The following ADK variants were observed in gnomAD, a reference collection of about 807,000 sequenced individuals.
ADK encodes the protein N6,N6-dimethyladenosine kinase.
A neutral mutation model predicts 44.7 loss-of-function variants in ADK; 24 were observed. That is an observed-to-expected ratio of 0.54 (90% CI 0.39 to 0.76). The LOEUF is 0.76. ADK is among the 30% of genes least tolerant of loss of function. ADK has a pLI of 0.00. For synonymous variants in ADK, 128 were observed against 142.6 expected (o/e 0.90, Z 0.73); for missense variants, 321 against 425.1 (o/e 0.76, Z 2.15).
At chr10:74,515,276 G>A (rs985265047) in intron 6 of ADK, among the ~76,000 whole-genome samples, 8 of 152,120 alleles carry the variant, frequency 5.3e-5, no homozygotes, top group Admixed American at 4.6e-4. Flanking sequence ...CAGTGGCATG[G>A]GCTGAGAGAG....
intron 6 of ADK, among the ~76,000 whole-genome samples, chr10:74,496,610 G>A (rs1052903404): frequency 2.6e-5 from 4 of 152,126 alleles, no homozygotes; most frequent in East Asian, 1.9e-4. Context: ...GAGAATGGAC[G>A]AATACAGCCA....
At chr10:74,400,061 C>A (rs1172976515) in intron 6 of ADK, among the ~76,000 whole-genome samples, 1 of 151,976 alleles carries the variant, frequency 6.6e-6, no homozygotes, top group Non-Finnish European at 1.5e-5. Context: ...TGTATCTAGC[C>A]ATATTTGGGT....
Position 74,230,572 on chromosome 10 carries a change from G to A in ADK, c.194+5981G>A, listed in dbSNP as rs948547770. Among the ~76,000 whole-genome samples the A allele has an allele frequency of 4.0e-5, 6 of 151,538 alleles. No individual in the cohort carries two copies. In the East Asian group the frequency reaches 5.8e-4, roughly 15 times the overall value. On this transcript the variant is annotated intron_variant, in intron 3 of 10. Transcript: ENST00000539909. ...CTACAGTCTTGTTTTTAGAGATGAG[G>A]TCTCCTTATGTTGCTCAGGTTGGTC...
chr10:74,688,509 T>C (rs965990014), intron 10 of ADK, among the ~76,000 whole-genome samples: 5 of 152,162 alleles, frequency 3.3e-5, no homozygotes, highest in African/African-American at 1.2e-4. Context: ...AAAGACCATT[T>C]AGTCGGTATT....
chr10:74,625,900 A>T (rs1853181509), intron 9 of ADK, among the ~76,000 whole-genome samples: 2 of 152,126 alleles, frequency 1.3e-5, no homozygotes, highest in Admixed American at 1.3e-4. Flanking sequence ...GCATTTTTTT[A>T]TTCAAAGAAA....
At chr10:74,185,070 A>C (rs11000909) in intron 1 of ADK, among the ~76,000 whole-genome samples, 1 of 152,166 alleles carries the variant, frequency 6.6e-6, no homozygotes, top group Non-Finnish European at 1.5e-5. Context: ...TACCTATCCT[A>C]CATGGGTGTT....
intron 1 of ADK, 104 bp downstream of exon 1, chr10:74,151,447 A>G (rs1404705240): frequency 4.7e-6 from 6 of 1,278,456 alleles, no homozygotes; most frequent in Non-Finnish European, 6.6e-6. Context: ...TCTCACTGCC[A>G]GCTTGGGGCC....
chr10:74,376,426 A>G (rs1205034560), intron 4 of ADK, among the ~76,000 whole-genome samples: 1 of 152,096 alleles, frequency 6.6e-6, no homozygotes, highest in Non-Finnish European at 1.5e-5. Flanking sequence ...ACACAGAGAA[A>G]GAATAGTAGG....
intron 3 of ADK, among the ~76,000 whole-genome samples, chr10:74,281,445 C>T (rs979650067): frequency 1.3e-5 from 2 of 152,170 alleles, no homozygotes; most frequent in African/African-American, 4.8e-5. Context: ...TCTTATGATC[C>T]TAGACATTAA....
intron 2 of ADK, among the ~76,000 whole-genome samples, chr10:74,201,692 CTATCTATCTATCT>C (rs1564589470): frequency 6.6e-5 from 8 of 120,612 alleles, no homozygotes; most frequent in African/African-American, 2.5e-4. Flanking sequence ...ATCTATCTAT[CTATCTATCTATCT>C]ATCTATCTAT....
intron 9 of ADK, among the ~76,000 whole-genome samples, chr10:74,615,105 G>T (rs926881851): frequency 1.3e-5 from 2 of 151,986 alleles, no homozygotes; most frequent in African/African-American, 4.8e-5. Flanking sequence ...TTACTTATTT[G>T]TTTTATCCTA....
At chr10:74,523,529 G>A (rs141016717) in intron 6 of ADK, among the ~76,000 whole-genome samples, 16 of 150,004 alleles carry the variant, frequency 1.1e-4, no homozygotes, top group Admixed American at 7.3e-4. Context: ...TTCCTTCGTC[G>A]TCTTTTGTTC....
At chr10:74,665,775 G>GAC (rs1388809445) in intron 9 of ADK, among the ~76,000 whole-genome samples, 1 of 146,220 alleles carries the variant, frequency 6.8e-6, no homozygotes, top group African/African-American at 2.6e-5. Flanking sequence ...GAGAGAGAGA[G>GAC]AGAGAGACAG....
intron 9 of ADK, among the ~76,000 whole-genome samples, chr10:74,666,849 T>C (rs1854974432): frequency 6.6e-6 from 1 of 150,470 alleles, no homozygotes; most frequent in African/African-American, 2.4e-5. Flanking sequence ...TTTTTTTTTT[T>C]TGAGACTGAG....
intron 9 of ADK, among the ~76,000 whole-genome samples, chr10:74,625,221 T>C (rs1338665189): frequency 6.6e-6 from 1 of 152,192 alleles, no homozygotes; most frequent in Non-Finnish European, 1.5e-5. Context: ...GGGAAAGCTT[T>C]TCAAAGCAAG....
intron 10 of ADK, among the ~76,000 whole-genome samples, chr10:74,693,372 C>T (rs1856060120): frequency 6.6e-6 from 1 of 152,098 alleles, no homozygotes. Context: ...TTCTTCGATC[C>T]ATCTTATTCT....
intron 7 of ADK, among the ~76,000 whole-genome samples, chr10:74,587,521 C>T (rs575806821): frequency 6.6e-6 from 1 of 152,268 alleles, no homozygotes; most frequent in South Asian, 2.1e-4. Flanking sequence ...ACCATAGGTG[C>T]ATACATGTAT....
At chr10:74,495,760 A>G (rs1351441963) in intron 6 of ADK, among the ~76,000 whole-genome samples, 1 of 152,140 alleles carries the variant, frequency 6.6e-6, no homozygotes, top group Non-Finnish European at 1.5e-5. Flanking sequence ...GACACTTGTC[A>G]GGCTATATGA....
At chr10:74,259,428 T>C (rs1845955751) in intron 3 of ADK, among the ~76,000 whole-genome samples, 1 of 150,852 alleles carries the variant, frequency 6.6e-6, no homozygotes, top group African/African-American at 2.4e-5. Flanking sequence ...GGATGTGTTA[T>C]AAACTCGATG....
Sources: allele counts gnomAD v4.1 joint callset (sites outside exome capture counted in the v4.1 genomes callset), GRCh38; gene constraint gnomAD v4.1.1; transcripts MANE v1.5; gene names NCBI Gene and HGNC (gene_info 2026-07-23, HGNC 2026-07-21).